Variants in ST6GAL1 observed in about 807,000 individuals in gnomAD.
ST6GAL1 encodes the protein ST6 beta-galactoside alpha-2,6-sialyltransferase 1.
ST6GAL1 carries 20 observed loss-of-function variants against 38.0 expected under a neutral mutation model. The observed-to-expected ratio is 0.53, with a 90% CI of 0.37 to 0.77. The LOEUF is 0.77. ST6GAL1 is among the 30% of genes least tolerant of loss of function. ST6GAL1 has a pLI of 0.00. For missense variants in ST6GAL1, 432 were observed against 496.4 expected (o/e 0.87, Z 1.23); for synonymous variants, 196 against 188.2 (o/e 1.04, Z -0.34).
rs138413003 is a variant in ST6GAL1, at chr3:187,036,441, C to T, written c.-182-2301C>T. Among the ~76,000 whole-genome samples the T allele has an allele frequency of 1.6e-3, 247 of 152,320 alleles. 2 individuals carry two copies. The highest frequency in any genetic ancestry group is 5.5e-3 in the African/African-American group (227 of 41,572). On this transcript the variant is annotated intron_variant, in intron 2 of 7. Coordinates refer to ENST00000169298, the MANE Select transcript of ST6GAL1 (RefSeq NM_173216.2). ...AATAAATGTTTCTACCAAAAAGAGA[C>T]ATGCACTTGTGTGTTTATTGCAGCA...
chr3:187,021,053 T>C (rs1717280792), intron 2 of ST6GAL1, among the ~76,000 whole-genome samples: 2 of 151,372 alleles, frequency 1.3e-5, no homozygotes, highest in African/African-American at 4.9e-5. Context: ...AGCCTCTGCC[T>C]CCTGGGTTCA....
chr3:186,994,950 A>AAC (rs71634023), intron 2 of ST6GAL1, among the ~76,000 whole-genome samples: 34,624 of 150,644 alleles, frequency 0.23, 4,151 homozygotes, highest in South Asian at 0.31. Flanking sequence ...CTCAAAAACA[A>AAC]AAAAAAAAGA....
intron 2 of ST6GAL1, among the ~76,000 whole-genome samples, chr3:186,969,051 CTTT>C (rs34520153): frequency 1.3e-4 from 12 of 89,238 alleles, no homozygotes; most frequent in Non-Finnish European, 1.9e-4. Context: ...TTCTCTTTTT[CTTT>C]TTTTTTTTTT....
chr3:186,934,902 G>A (rs1019898665), intron 1 of ST6GAL1, among the ~76,000 whole-genome samples: 3 of 151,980 alleles, frequency 2.0e-5, no homozygotes, highest in Admixed American at 6.6e-5. Flanking sequence ...GAGTAGCTGG[G>A]ACTACAGGTG....
intron 2 of ST6GAL1, among the ~76,000 whole-genome samples, chr3:186,981,075 G>A (rs1715683631): frequency 6.6e-6 from 1 of 152,174 alleles, no homozygotes; most frequent in Non-Finnish European, 1.5e-5. Context: ...TGCAAAGCAA[G>A]GAAGAAGGCA....
intron 2 of ST6GAL1, among the ~76,000 whole-genome samples, chr3:187,015,676 A>C (rs1366274862): frequency 1.3e-5 from 2 of 152,022 alleles, no homozygotes; most frequent in Non-Finnish European, 2.9e-5. Context: ...TGTTTCTACA[A>C]AAAATTACAA....
intron 2 of ST6GAL1, among the ~76,000 whole-genome samples, chr3:187,036,027 A>G (rs535740964): frequency 2.0e-5 from 3 of 152,264 alleles, no homozygotes; most frequent in Non-Finnish European, 4.4e-5. Context: ...TCTAATATCC[A>G]GAATCTATAA....
intron 5 of ST6GAL1, among the ~76,000 whole-genome samples, chr3:187,071,733 C>T (rs1454132522): frequency 7.0e-6 from 1 of 142,720 alleles, no homozygotes; most frequent in Non-Finnish European, 1.5e-5. Flanking sequence ...GCACTCCAGC[C>T]TGGGCGACAC....
chr3:187,040,571 C>G (rs901690201), intron 3 of ST6GAL1, among the ~76,000 whole-genome samples: 1 of 152,184 alleles, frequency 6.6e-6, no homozygotes, highest in African/African-American at 2.4e-5. Flanking sequence ...GTCAATATCT[C>G]TATCATAGTG....
Position 187,077,612 on chromosome 3 carries a change from C to T in ST6GAL1, c.*1809C>T, listed in dbSNP as rs1025097259. On this transcript the variant is annotated 3_prime_UTR_variant, in exon 8 of 8. Transcript: ENST00000169298. ...CTCTTCCTTGAGCCTGTTTCCACAC[C>T]TGTAAAGTGGGGATGATGATCCTAT... 2.6e-5 allele frequency: 4 copies of T among 152,292 alleles called. No homozygotes were observed. The highest frequency in any genetic ancestry group is 9.6e-5 in the African/African-American group (4 of 41,456). The allele number at this position is 152,292 out of a possible 1,614,324, so 9.4% of individuals were successfully genotyped here.
chr3:187,064,447 CAGGG>C, intron 5 of ST6GAL1: 1 of 448,760 alleles, frequency 2.2e-6, no homozygotes, highest in African/African-American at 2.0e-5. Context: ...CAGAATCTGA[CAGGG>C]AGGAAGAGTG....
At chr3:186,989,586 C>T (rs1022256812) in intron 2 of ST6GAL1, among the ~76,000 whole-genome samples, 1 of 152,124 alleles carries the variant, frequency 6.6e-6, no homozygotes, top group Admixed American at 6.5e-5. Context: ...CCCTATGCAC[C>T]ATGTTCGAGG....
chr3:186,981,204 C>T (rs1194800395), intron 2 of ST6GAL1, among the ~76,000 whole-genome samples: 2 of 152,172 alleles, frequency 1.3e-5, no homozygotes, highest in African/African-American at 2.4e-5. Flanking sequence ...GCTCTGCTGC[C>T]GCAGTGAGGA....
intron 5 of ST6GAL1, among the ~76,000 whole-genome samples, chr3:187,070,164 C>T (rs1232423071): frequency 6.6e-6 from 1 of 152,112 alleles, no homozygotes; most frequent in African/African-American, 2.4e-5. Context: ...AGTCACCCAG[C>T]CATATTTATC....
chr3:186,937,677 T>A (rs570258811), intron 1 of ST6GAL1, among the ~76,000 whole-genome samples: 1 of 151,606 alleles, frequency 6.6e-6, no homozygotes, highest in Non-Finnish European at 1.5e-5. Flanking sequence ...GAGGAGGGAG[T>A]CACCAATGAC....
At chr3:187,048,013 G>A (rs1271737966) in intron 4 of ST6GAL1, among the ~76,000 whole-genome samples, 1 of 151,034 alleles carries the variant, frequency 6.6e-6, no homozygotes, top group African/African-American at 2.4e-5. Flanking sequence ...CGTGATCTTG[G>A]CTCACTGCAA....
At chr3:186,934,947 A>G (rs1045354419) in intron 1 of ST6GAL1, among the ~76,000 whole-genome samples, 5 of 151,912 alleles carry the variant, frequency 3.3e-5, no homozygotes, top group African/African-American at 1.2e-4. Flanking sequence ...TTGTATGTTT[A>G]GTAAAGACGG....
intron 1 of ST6GAL1, among the ~76,000 whole-genome samples, chr3:186,962,781 T>G (rs935578744): frequency 6.6e-6 from 1 of 152,232 alleles, no homozygotes; most frequent in Non-Finnish European, 1.5e-5. Context: ...ATGACTTAAG[T>G]GTCCAGGCTT....
At chr3:187,005,269 C>CTTTTT (rs58085172) in intron 2 of ST6GAL1, among the ~76,000 whole-genome samples, 31 of 103,848 alleles carry the variant, frequency 3.0e-4, no homozygotes, top group Non-Finnish European at 3.8e-4. Context: ...TTTTCTTTTT[C>CTTTTT]TTTTTTTTTT....
Sources: gnomAD v4.1 joint callset for allele counts (sites outside exome capture counted in the v4.1 genomes callset) on GRCh38, gnomAD v4.1.1 for gene constraint, MANE v1.5 for transcripts, NCBI Gene and HGNC (gene_info 2026-07-23, HGNC 2026-07-21) for gene names.